Variants in SH2D3A observed in about 807,000 individuals in gnomAD.
SH2D3A encodes SH2 domain containing 3A.
A neutral mutation model predicts 50.6 loss-of-function variants in SH2D3A; 46 were observed. The ratio of observed to expected loss-of-function variants is 0.91; its 90% confidence interval spans 0.72 to 1.16. The LOEUF is 1.16. Ranked by LOEUF, SH2D3A falls within the 50% of genes most tolerant of loss-of-function variation. The pLI, the probability that SH2D3A is intolerant of heterozygous loss-of-function variation, is 0.00. For synonymous variants in SH2D3A, 377 were observed against 348.4 expected (o/e 1.08, Z -0.91); for missense variants, 783 against 786.2 (o/e 1.00, Z 0.05).
At position 6,753,492 on chromosome 19, in the gene SH2D3A, G is replaced by C; in HGVS notation, c.1534C>G (p.Pro512Ala). 1 of 1,536,096 alleles carries C rather than the reference G, an allele frequency of 6.5e-7. No individual in the cohort carries two copies. The highest frequency in any genetic ancestry group is 1.2e-5 in the South Asian group (1 of 83,304). Reference sequence around the variant, plus strand: ...TGGGCTGCCACCTTGCGGAATTTGGGTGCGTCCCGGACCATGTGACGCGCC... The same window carrying C: ...TGGGCTGCCACCTTGCGGAATTTGGCTGCGTCCCGGACCATGTGACGCGCC... Reference protein sequence around the residue: ...HGARHMVRDAPKFRKVAAQRL... With the variant: ...HGARHMVRDAAKFRKVAAQRL... Residue 512 changes from proline to alanine, a missense_variant, in exon 9 of 10, where the codon CCC becomes GCC. By Grantham distance (27) the Pro-to-Ala change is conservative. Transcript: ENST00000245908.
At chr19:6,759,082 A>C (rs1158134872) in intron 4 of SH2D3A, 1 of 153,956 alleles carries the variant, frequency 6.5e-6, no homozygotes. Context: ...AGCTGTGGTC[A>C]GAACAGGTAC....
Position 6,763,902 on chromosome 19 carries a change from AATCT to A in SH2D3A, c.-68-90_-68-87del. ...CTTAATTTTGGAGACAGCTCCATCA[AATCT>A]TTTTTTTTTTTTTTTTTTTTTTTTG... On this transcript the variant is annotated intron_variant, in intron 1 of 9. Transcript: ENST00000245908. 14 of 310,392 alleles carry A rather than the reference AATCT, an allele frequency of 4.5e-5. 1 individual carries two copies. Among genetic ancestry groups the A allele is most frequent in the African/African-American group, 2.2e-4 (9 of 40,078 alleles). The allele number at this position is 310,392 out of a possible 1,614,324, so 19.2% of individuals were successfully genotyped here.
intron 1 of SH2D3A, 91 bp downstream of exon 1, chr19:6,767,296 T>C (rs1599601535): frequency 6.6e-6 from 1 of 152,030 alleles, no homozygotes; most frequent in Admixed American, 6.6e-5. Context: ...CTACCCCAGA[T>C]CCTCCCTGCG....
In SH2D3A at chr19:6,754,682, A is replaced by G; in HGVS notation, c.1031T>C (p.Val344Ala). 6.2e-7 allele frequency: 1 copy of G among 1,613,662 alleles called. No homozygotes were observed. Among genetic ancestry groups the G allele is most frequent in the Non-Finnish European group, 8.5e-7 (1 of 1,179,888 alleles). Reference sequence around the variant, plus strand: ...AGTGAGCAGCTCCAGGCCAGATGAGACTCCCATGTTGCCCCGCTGATCTCT... The same window carrying G: ...AGTGAGCAGCTCCAGGCCAGATGAGGCTCCCATGTTGCCCCGCTGATCTCT... ...VTRDQRGNMG[V>A]SSGLELLTLP... is the part of the protein sequence containing the mutation. The change falls in exon 6 of 10, where the codon GTC becomes GCC. Residue 344 changes from valine to alanine, a missense_variant. Transcript: ENST00000245908.
At chr19:6,761,668 T>G (rs1599592937) in intron 2 of SH2D3A, among the ~76,000 whole-genome samples, 1 of 151,568 alleles carries the variant, frequency 6.6e-6, no homozygotes, top group African/African-American at 2.4e-5. Context: ...GTAGGAAGGG[T>G]GGGGCACAGT....
rs767572645 is a variant in SH2D3A, at chr19:6,754,716, C to A, written c.997G>T (p.Gly333Ter). 6.2e-7 allele frequency: 1 copy of A among 1,614,176 alleles called. No individual in the cohort carries two copies. The change falls in exon 6 of 10, where the codon GGA (glycine) becomes TGA (stop). Residue 333 changes from glycine to a stop codon, truncating the protein, a stop_gained. Transcript: ENST00000245908. LOFTEE classifies it high-confidence loss of function. ...TTGCCCCGCTGATCTCTGGTCACTC[C>A]CAGGAGGCCTGTGGCCTGCAGAAGG... ...LVDCQATGLLGVTRDQRGNMG... is the reference protein window; with the variant it reads ...LVDCQATGLL
rs765383588 is a variant in SH2D3A at position 6,763,700 on chromosome 19, G to A, written c.49C>T (p.His17Tyr). 2.6e-5 allele frequency: 42 copies of A among 1,612,446 alleles called. No individual in the cohort carries two copies. In the Admixed American group the frequency reaches 5.7e-4, roughly 22 times the overall value. The change falls in exon 2 of 10, where the codon CAC (histidine) becomes TAC (tyrosine). Residue 17 changes from histidine to tyrosine, a missense_variant. His to Tyr is a moderately conservative substitution (Grantham distance 83, BLOSUM62 2). Transcript: ENST00000245908. ...GEDLAGQPWY[H>Y]GLLSRQKAEA... Reference sequence around the variant, plus strand: ...GGTACCTGGCGGGACAGGAGGCCGTGGTACCAAGGTTGGCCAGCAAGGTCT... The same window carrying A: ...GGTACCTGGCGGGACAGGAGGCCGTAGTACCAAGGTTGGCCAGCAAGGTCT...
In SH2D3A at chr19:6,752,770, G is replaced by A; in HGVS notation, c.1571-17C>T. The A allele has an allele frequency of 2.6e-6, 4 of 1,515,542 alleles. No individual in the cohort carries two copies. Among genetic ancestry groups the A allele is most frequent in the African/African-American group, 1.4e-5 (1 of 72,102 alleles). 93.9% of individuals were successfully genotyped at this position (1,515,542 alleles called of 1,614,324 possible). ...GCCGGAATCCTGGAAGCAAGGTCAG[G>A]TGGGCTGGGGGCGGGGCCCAGGCGC... is the stretch of plus-strand genomic sequence containing the variant. On this transcript the variant is annotated splice_polypyrimidine_tract_variant and intron_variant, in intron 9 of 9. Coordinates refer to ENST00000245908, the MANE Select transcript of SH2D3A (RefSeq NM_005490.3).
chr19:6,754,490 G>C (rs1449820943), intron 6 of SH2D3A, 65 bp from the exon 7 acceptor site: 2 of 1,543,158 alleles, frequency 1.3e-6, no homozygotes, highest in Non-Finnish European at 1.7e-6. Flanking sequence ...GGTGAGGGGG[G>C]ACAGGAGGTG....
chr19:6,753,555 C>G lies in SH2D3A; in HGVS notation c.1471G>C (p.Asp491His), dbSNP rs746102756. The G allele has an allele frequency of 6.4e-7, 1 of 1,573,478 alleles. No individual in the cohort carries two copies. ...CGCAACAGCCGCTCACAGCTCTCGTCCAGCGGCCCCGCGACTTCCTCGCCC... is the reference window on the plus strand; with the variant it reads ...CGCAACAGCCGCTCACAGCTCTCGTGCAGCGGCCCCGCGACTTCCTCGCCC... ...LEGEEVAGPL[D>H]ESCERLLRTL... is the part of the protein sequence containing the mutation. Residue 491 changes from aspartate (D) to histidine (H), a missense_variant, in exon 9 of 10, where the codon GAC becomes CAC. Transcript: ENST00000245908.
intron 9 of SH2D3A, chr19:6,753,210 C>G (rs1599575541): frequency 1.0e-6 from 1 of 985,088 alleles, no homozygotes; most frequent in Non-Finnish European, 1.2e-6. Context: ...AGTGGGGACC[C>G]GCGGAGGTGG....
rs1969547154 is a variant in SH2D3A at position 6,754,720 on chromosome 19, G to A, written c.993C>T (p.Leu331=). ...CCCGCTGATCTCTGGTCACTCCCAGGAGGCCTGTGGCCTGCAGAAGGGAAT... is the reference window on the plus strand; with the variant it reads ...CCCGCTGATCTCTGGTCACTCCCAGAAGGCCTGTGGCCTGCAGAAGGGAAT... The part of the protein sequence containing the change: ...LLLVDCQATG[L]LGVTRDQRGN... Residue 331 remains leucine (L), a synonymous_variant, in exon 6 of 10, where the codon CTC becomes CTT. Coordinates refer to ENST00000245908, the MANE Select transcript of SH2D3A (RefSeq NM_005490.3). 7 of 1,614,206 alleles carry A rather than the reference G, an allele frequency of 4.3e-6. No homozygotes were observed. The highest frequency in any genetic ancestry group is 5.9e-6 in the Non-Finnish European group (7 of 1,180,026).
Position 6,752,637 on chromosome 19 carries a change from G to T in SH2D3A, c.1687C>A (p.Arg563Ser). 6.4e-7 allele frequency: 1 copy of T among 1,559,556 alleles called. No individual in the cohort carries two copies. The highest frequency in any genetic ancestry group is 8.7e-7 in the Non-Finnish European group (1 of 1,151,640). ...CGCTGCGACAGGACGCCGAGGACGC[G>T]CTGGAACTTCTCAAAGCGTTCAGCG... Reference protein sequence around the residue: ...PRAERFEKFQRVLGVLSQRLE... With the variant: ...PRAERFEKFQSVLGVLSQRLE... Residue 563 changes from arginine to serine, a missense_variant, in exon 10 of 10, where the codon CGC becomes AGC. By Grantham distance (110) the Arg-to-Ser change is moderately radical. Transcript: ENST00000245908.
In SH2D3A at chr19:6,754,645, T is replaced by TC. The variant is rs1295590682; in HGVS notation, c.1067dup (p.His357ThrfsTer91). 5.6e-6 allele frequency: 9 copies of TC among 1,614,064 alleles called. No homozygotes were observed. The highest frequency in any genetic ancestry group is 1.7e-5 in the Admixed American group (1 of 60,006). ...CCAGCAGTTCCAACCTCAAGTGGTG[T>TC]CCATGGGGAAGAGTGAGCAGCTCCA... On this transcript the variant is annotated frameshift_variant, in exon 6 of 10. Coordinates refer to ENST00000245908, the MANE Select transcript of SH2D3A (RefSeq NM_005490.3). LOFTEE classifies it high-confidence loss of function.
At chr19:6,765,969 G>C (rs752102148) in intron 1 of SH2D3A, among the ~76,000 whole-genome samples, 4 of 152,102 alleles carry the variant, frequency 2.6e-5, no homozygotes, top group Admixed American at 6.6e-5. Context: ...GGTGTCTGGT[G>C]GGGGAGATTT....
At chr19:6,763,596 C>T in intron 2 of SH2D3A, 84 bp downstream of exon 2, 1 of 1,333,690 alleles carries the variant, frequency 7.5e-7, no homozygotes, top group Non-Finnish European at 1.1e-6. Context: ...GCACTAAGTC[C>T]CTCATCCAGG....
intron 4 of SH2D3A, among the ~76,000 whole-genome samples, chr19:6,756,784 GTC>G (rs901402970): frequency 2.0e-5 from 3 of 151,944 alleles, no homozygotes; most frequent in African/African-American, 7.2e-5. Context: ...GAGCCCCAGG[GTC>G]TCTCTCTCTG....
chr19:6,765,925 A>G (rs182693083), intron 1 of SH2D3A, among the ~76,000 whole-genome samples: 312 of 152,228 alleles, frequency 2.0e-3, no homozygotes, highest in African/African-American at 7.2e-3. Context: ...TAGTTTCCCG[A>G]TAATCTCACA....
rs548657535 is a variant in SH2D3A, at chr19:6,760,616, G to A, written c.419+22C>T. ...CCTGCGAGTGTTGGGTGTTCTCAAG[G>A]AGGCAGGGAGACTGTGAGTACCTGA... On this transcript the variant is annotated intron_variant, in intron 3 of 9. Coordinates refer to ENST00000245908, the MANE Select transcript of SH2D3A (RefSeq NM_005490.3). 6 of 1,512,986 alleles carry A rather than the reference G, an allele frequency of 4.0e-6. No individual in the cohort carries two copies. The African/African-American group carries it at 7.0e-5, about 18-fold the overall frequency. The allele number at this position is 1,512,986 out of a possible 1,614,324, so 93.7% of individuals were successfully genotyped here.
Sources: gnomAD v4.1 joint callset for allele counts (sites outside exome capture counted in the v4.1 genomes callset) on GRCh38, gnomAD v4.1.1 for gene constraint, MANE v1.5 for transcripts, NCBI Gene and HGNC (gene_info 2026-07-23, HGNC 2026-07-21) for gene names.